VPS13B: variants seen among roughly 807,000 people sequenced by gnomAD.
VPS13B encodes intermembrane lipid transfer protein VPS13B.
In VPS13B, 285 loss-of-function variants were observed where a neutral mutation model predicts 426.4. The observed-to-expected ratio is 0.67, with a 90% CI of 0.61 to 0.74. The LOEUF (loss-of-function observed/expected upper bound fraction) is 0.74, where lower values mean the gene tolerates loss of function less well. Ranked by LOEUF, VPS13B falls within the 30% of genes least tolerant of loss-of-function variation. VPS13B has a pLI of 0.00. For missense variants in VPS13B, 4,537 were observed against 4,782.6 expected (o/e 0.95, Z 1.51); for synonymous variants, 1,676 against 1,676.4 (o/e 1.00, Z 0.01).
intron 21 of VPS13B, among the ~76,000 whole-genome samples, chr8:99,427,755 A>G (rs1816808142): frequency 6.6e-6 from 1 of 151,912 alleles, no homozygotes; most frequent in African/African-American, 2.4e-5. Context: ...CAAGCTACCA[A>G]TGACTTTCTT....
At chr8:99,190,125 A>C (rs1334814167) in intron 16 of VPS13B, among the ~76,000 whole-genome samples, 1 of 152,172 alleles carries the variant, frequency 6.6e-6, no homozygotes, top group Admixed American at 6.5e-5. Context: ...TAGTGCCTAC[A>C]AACTTAATTA....
At chr8:99,868,208 T>C in intron 58 of VPS13B, 81 bp from the exon 59 acceptor site, 1 of 1,581,718 alleles carries the variant, frequency 6.3e-7, no homozygotes, top group Non-Finnish European at 8.6e-7. Flanking sequence ...TCAATCCAGA[T>C]AAAACTGTGT....
At position 99,066,274 on chromosome 8, in the gene VPS13B, A is replaced by G. The variant is rs151301841; in HGVS notation, c.291+27708A>G. 7.5e-4 allele frequency among the ~76,000 whole-genome samples: 115 copies of G among 152,368 alleles called. 1 individual carries two copies. The East Asian group carries it at 0.021, about 27-fold the overall frequency. ...CTATCCTACAAGGCTACAGTAACCA[A>G]AACAGCATGGTACTGGTACCAAAAC... On this transcript the variant is annotated intron_variant, in intron 3 of 61. Coordinates refer to ENST00000357162, the MANE Select transcript of VPS13B (RefSeq NM_152564.5).
chr8:99,818,350 A>T, intron 45 of VPS13B, 101 bp from the exon 46 acceptor site: 1 of 1,238,320 alleles, frequency 8.1e-7, no homozygotes, highest in South Asian at 1.3e-5. Context: ...CCTAAACTTT[A>T]AACTCTTTTT....
chr8:99,391,532 A>ATT (rs1563704277), intron 20 of VPS13B, 25 bp from the exon 21 acceptor site: 3 of 1,613,940 alleles, frequency 1.9e-6, no homozygotes, highest in Non-Finnish European at 2.5e-6. Context: ...AAAACTAAAA[A>ATT]GGTTTTCATT....
chr8:99,846,031 T>G (rs984697191), intron 54 of VPS13B, among the ~76,000 whole-genome samples: 4 of 152,314 alleles, frequency 2.6e-5, no homozygotes, highest in Middle Eastern at 6.8e-3. Flanking sequence ...GCGGGGAGTA[T>G]AATCCTGCTC....
rs561760617 is a variant in VPS13B, at chr8:99,056,840, T to TA, written c.291+18275dup. On this transcript the variant is annotated intron_variant, in intron 3 of 61. Transcript: ENST00000357162. ...GGAATATTTTTACTGTGTTGAGTCT[T>TA]ACAATCCATCTACACAGTACGCTTC... Among the ~76,000 whole-genome samples, 949 of 151,544 alleles carry TA rather than the reference T, an allele frequency of 6.3e-3. 7 individuals carry two copies. The highest frequency in any genetic ancestry group is 0.022 in the African/African-American group (890 of 41,222).
chr8:99,091,157 G>GGA (rs1359217938), intron 3 of VPS13B, among the ~76,000 whole-genome samples: 2 of 152,288 alleles, frequency 1.3e-5, no homozygotes, highest in African/African-American at 4.8e-5. Flanking sequence ...AGAAGGCAGA[G>GGA]GAGAGATGGC....
intron 51 of VPS13B, among the ~76,000 whole-genome samples, chr8:99,831,107 C>T (rs1221080952): frequency 1.7e-5 from 2 of 117,150 alleles, no homozygotes; most frequent in Admixed American, 1.1e-4. Flanking sequence ...GAGTCTCGCC[C>T]TGTCACCCAG....
intron 30 of VPS13B, among the ~76,000 whole-genome samples, chr8:99,526,204 A>C (rs1822635936): frequency 6.6e-6 from 1 of 152,200 alleles, no homozygotes; most frequent in Admixed American, 6.5e-5. Context: ...TTAAGAACAA[A>C]TGGAAGTGTG....
chr8:99,170,924 T>C (rs1178043073), intron 16 of VPS13B, among the ~76,000 whole-genome samples: 2 of 151,750 alleles, frequency 1.3e-5, no homozygotes, highest in Non-Finnish European at 1.5e-5. Flanking sequence ...TTTCTATTAG[T>C]TTTTTACTAA....
chr8:99,244,035 A>G (rs1365069794), intron 17 of VPS13B, among the ~76,000 whole-genome samples: 1 of 152,242 alleles, frequency 6.6e-6, no homozygotes, highest in Non-Finnish European at 1.5e-5. Context: ...CAGGCCCTGT[A>G]TGGGCCAGAC....
At chr8:99,070,979 A>G (rs1040966391) in intron 3 of VPS13B, among the ~76,000 whole-genome samples, 1 of 152,074 alleles carries the variant, frequency 6.6e-6, no homozygotes, top group African/African-American at 2.4e-5. Context: ...ATCTGATAGG[A>G]TTCTGACTTC....
chr8:99,728,791 G>C (rs1833464239), intron 39 of VPS13B, among the ~76,000 whole-genome samples: 2 of 152,192 alleles, frequency 1.3e-5, no homozygotes, highest in Admixed American at 6.5e-5. Flanking sequence ...GCTAAAATGA[G>C]GGGGATTAAT....
At chr8:99,205,469 G>T (rs963472054) in intron 17 of VPS13B, among the ~76,000 whole-genome samples, 1 of 152,026 alleles carries the variant, frequency 6.6e-6, no homozygotes, top group African/African-American at 2.4e-5. Context: ...AAACCTGCAT[G>T]TTCTACACAT....
chr8:99,362,264 C>T (rs897056781), intron 19 of VPS13B, among the ~76,000 whole-genome samples: 6 of 151,254 alleles, frequency 4.0e-5, no homozygotes, highest in African/African-American at 1.5e-4. Context: ...GCCTCAGCCT[C>T]CTGAGTAGCT....
At chr8:99,726,853 CTA>C (rs1253165011) in intron 39 of VPS13B, among the ~76,000 whole-genome samples, 2 of 152,124 alleles carry the variant, frequency 1.3e-5, no homozygotes, top group Non-Finnish European at 2.9e-5. Context: ...ACCAAAAATT[CTA>C]TTATTTATAA....
chr8:99,246,234 C>T (rs1244062105), intron 17 of VPS13B, among the ~76,000 whole-genome samples: 2 of 152,224 alleles, frequency 1.3e-5, no homozygotes, highest in Non-Finnish European at 2.9e-5. Flanking sequence ...TATATGCTGA[C>T]CTTCAGGCCC....
chr8:99,294,094 T>C (rs1372696055), intron 19 of VPS13B, among the ~76,000 whole-genome samples: 69 of 81,862 alleles, frequency 8.4e-4, no homozygotes, highest in African/African-American at 3.4e-3. Flanking sequence ...TGCACACATA[T>C]GTTTATTGCG....
Sources: gnomAD v4.1 joint callset for allele counts (sites outside exome capture counted in the v4.1 genomes callset) on GRCh38, gnomAD v4.1.1 for gene constraint, MANE v1.5 for transcripts, NCBI Gene and HGNC (gene_info 2026-07-23, HGNC 2026-07-21) for gene names.